ZNF536: variants seen among roughly 807,000 people sequenced by gnomAD.
ZNF536 encodes the protein zinc finger protein 536.
A neutral mutation model predicts 84.5 loss-of-function variants in ZNF536; 13 were observed. The observed-to-expected ratio is 0.15, with a 90% CI of 0.10 to 0.24. The LOEUF is 0.24. Among genes scored for constraint, ZNF536 ranks in the 10% least tolerant of loss-of-function variants. The probability of loss-of-function intolerance (pLI) is 1.00; values close to 1 mark genes in which losing one functional copy is unlikely to be tolerated. For missense variants in ZNF536, 1,536 were observed against 1,747.5 expected (o/e 0.88, Z 2.16); for synonymous variants, 811 against 742.5 (o/e 1.09, Z -1.50).
intron 1 of ZNF536, among the ~76,000 whole-genome samples, chr19:30,237,509 A>G (rs1167584219): frequency 6.6e-6 from 1 of 152,176 alleles, no homozygotes; most frequent in Non-Finnish European, 1.5e-5. Context: ...ACTGATCTTC[A>G]TCTCAAAGGT....
chr19:30,612,878 G>C (rs2147062820), intron 1 of ZNF536, among the ~76,000 whole-genome samples: 1 of 152,080 alleles, frequency 6.6e-6, no homozygotes, highest in East Asian at 1.9e-4. Flanking sequence ...CCTTTCTCTG[G>C]GCCAGGGTCC....
intron 1 of ZNF536, among the ~76,000 whole-genome samples, chr19:30,386,306 G>GT (rs1389209313): frequency 6.6e-6 from 1 of 152,146 alleles, no homozygotes; most frequent in Non-Finnish European, 1.5e-5. Flanking sequence ...TTTCATCTCT[G>GT]TTACCTGTGA....
At chr19:30,435,135 TGA>T (rs2051671385) in intron 1 of ZNF536, among the ~76,000 whole-genome samples, 1 of 151,742 alleles carries the variant, frequency 6.6e-6, no homozygotes, top group African/African-American at 2.4e-5. Context: ...ATGATGCTGA[TGA>T]TGATGGTGAT....
At chr19:30,474,778 G>A (rs2053778059) in intron 2 of ZNF536, among the ~76,000 whole-genome samples, 1 of 152,012 alleles carries the variant, frequency 6.6e-6, no homozygotes. Context: ...TTCAGACAGT[G>A]GACAGTGGCT....
At chr19:30,472,257 C>G (rs527936298) in intron 2 of ZNF536, among the ~76,000 whole-genome samples, 1 of 151,482 alleles carries the variant, frequency 6.6e-6, no homozygotes, top group East Asian at 1.9e-4. Context: ...TTAAAATGTA[C>G]ATTATTGGTC....
At chr19:30,422,779 G>A (rs934733825) in intron 1 of ZNF536, among the ~76,000 whole-genome samples, 5 of 150,690 alleles carry the variant, frequency 3.3e-5, no homozygotes, top group Middle Eastern at 3.5e-3. Flanking sequence ...TATAGCCATC[G>A]ATCCATGTAT....
intron 2 of ZNF536, among the ~76,000 whole-genome samples, chr19:30,337,483 T>C (rs923588871): frequency 6.6e-6 from 1 of 152,036 alleles, no homozygotes; most frequent in Non-Finnish European, 1.5e-5. Flanking sequence ...ACACATGGGT[T>C]GGCAACAATG....
At chr19:30,387,773 T>G (rs920940324) in intron 1 of ZNF536, among the ~76,000 whole-genome samples, 2 of 152,168 alleles carry the variant, frequency 1.3e-5, no homozygotes, top group Admixed American at 1.3e-4. Context: ...CTCCATCGCT[T>G]GGAAACTACT....
intron 1 of ZNF536, among the ~76,000 whole-genome samples, chr19:30,390,461 G>T (rs1050073799): frequency 1.3e-5 from 2 of 152,148 alleles, no homozygotes; most frequent in Admixed American, 6.5e-5. Context: ...AAGTGGAGTT[G>T]AACTCTCCAA....
chr19:30,392,277 C>T (rs1182841187), intron 1 of ZNF536, among the ~76,000 whole-genome samples: 2 of 152,072 alleles, frequency 1.3e-5, no homozygotes, highest in African/African-American at 2.4e-5. Flanking sequence ...TCCCCTGGGG[C>T]GAGGGAGGTA....
chr19:30,248,216 T>TTTTC (rs1192813443), intron 1 of ZNF536, among the ~76,000 whole-genome samples: 6 of 140,466 alleles, frequency 4.3e-5, no homozygotes, highest in East Asian at 4.8e-4. Context: ...TTTCTTTTTC[T>TTTTC]TTTCTTTCTT....
rs2148226998 is a variant in ZNF536 at position 30,445,493 on chromosome 19, A to T, written c.1931A>T (p.His644Leu). 2 of 1,613,996 alleles carry T rather than the reference A, an allele frequency of 1.2e-6. No individual in the cohort carries two copies. The highest frequency in any genetic ancestry group is 1.7e-6 in the Non-Finnish European group (2 of 1,179,998). ...PDCGRVFRTY[H>L]QVVVHSRVHK... ...TGCGGCCGGGTGTTCCGCACTTACCACCAGGTGGTCGTGCACTCCCGTGTC... is the reference window on the plus strand; with the variant it reads ...TGCGGCCGGGTGTTCCGCACTTACCTCCAGGTGGTCGTGCACTCCCGTGTC... Residue 644 changes from histidine to leucine, a missense_variant, in exon 2 of 5, where the codon CAC (histidine) becomes CTC (leucine). His to Leu is a moderately conservative substitution (Grantham distance 99). Transcript: ENST00000355537. The surrounding 1 kb of genome is among the most constrained non-coding windows in gnomAD (Gnocchi z 4.5).
At chr19:30,438,536 C>T (rs1025008880) in intron 1 of ZNF536, among the ~76,000 whole-genome samples, 1 of 152,082 alleles carries the variant, frequency 6.6e-6, no homozygotes, top group Middle Eastern at 3.2e-3. Context: ...GCAGGAGGCC[C>T]CTCCAGGGAT....
intron 1 of ZNF536, among the ~76,000 whole-genome samples, chr19:30,670,174 G>A (rs2050490153): frequency 6.6e-6 from 1 of 152,200 alleles, no homozygotes; most frequent in South Asian, 2.1e-4. Context: ...ATGGGGGAAC[G>A]AATTCCTGAG....
rs373705608 is a variant in ZNF536 at position 30,647,731 on chromosome 19, G to A, written c.170-63026G>A. On this transcript the variant is annotated intron_variant, in intron 1 of 1. Coordinates refer to the ZNF536 transcript ENST00000592773. Reference sequence around the variant, plus strand: ...CACCTCCTTGCTAAGACCCCAATTTGGAAGTGGTATTTCCTTTCCAAAGGG... The same window carrying A: ...CACCTCCTTGCTAAGACCCCAATTTAGAAGTGGTATTTCCTTTCCAAAGGG... Among the ~76,000 whole-genome samples, 5 of 152,282 alleles carry A rather than the reference G, an allele frequency of 3.3e-5. No homozygotes were observed. The East Asian group carries it at 9.7e-4, about 29-fold the overall frequency.
intron 2 of ZNF536, among the ~76,000 whole-genome samples, chr19:30,345,286 C>T (rs2047705470): frequency 6.6e-6 from 1 of 152,196 alleles, no homozygotes; most frequent in Admixed American, 6.5e-5. Flanking sequence ...CTGTTCCTGT[C>T]CCCAGCCCTG....
At chr19:30,614,805 TTTTG>T (rs1222744253) in intron 1 of ZNF536, among the ~76,000 whole-genome samples, 1 of 151,554 alleles carries the variant, frequency 6.6e-6, no homozygotes, top group Non-Finnish European at 1.5e-5. Flanking sequence ...TGCCTTTTGA[TTTTG>T]TTTATTTTTT....
rs951081577 is a variant in ZNF536 at position 30,662,962 on chromosome 19, CTTTTTTTTTTTTT to C, written c.170-47783_170-47771del. ...CTTTCTTTCTTTTTCTTTTTCGTTTCTTTTTTTTTTTTTTTTTTTTTTTTAAGAAATAGTTTCC... is the reference window on the plus strand; with the variant it reads ...CTTTCTTTCTTTTTCTTTTTCGTTTCTTTTTTTTTTTAAGAAATAGTTTCC... On this transcript the variant is annotated intron_variant, in intron 1 of 1. Transcript: ENST00000592773. Among the ~76,000 whole-genome samples, 12 of 78,756 alleles carry C rather than the reference CTTTTTTTTTTTTT, an allele frequency of 1.5e-4. 1 individual carries two copies. In the South Asian group the frequency reaches 4.9e-3, roughly 32 times the overall value. 51.7% of individuals were successfully genotyped at this position (78,756 alleles called of 152,430 possible).
At chr19:30,550,575 G>T (rs763187117) in intron 4 of ZNF536, among the ~76,000 whole-genome samples, 16 of 151,794 alleles carry the variant, frequency 1.1e-4, no homozygotes, top group Non-Finnish European at 2.1e-4. Flanking sequence ...CAGGAAGGCA[G>T]GAAGGGAGGA....
Sources: allele counts gnomAD v4.1 joint callset (sites outside exome capture counted in the v4.1 genomes callset), GRCh38; gene constraint gnomAD v4.1.1; non-coding constraint Gnocchi (gnomAD v3.1); transcripts MANE v1.5; gene names NCBI Gene and HGNC (gene_info 2026-07-23, HGNC 2026-07-21).